Variants in CCDC178 observed in about 807,000 individuals in gnomAD.
The protein encoded by CCDC178 is coiled-coil domain containing 178.
A neutral mutation model predicts 117.4 loss-of-function variants in CCDC178; 126 were observed. That is an observed-to-expected ratio of 1.07 (90% CI 0.93 to 1.24). CCDC178 has a LOEUF of 1.24. Ranked by LOEUF, CCDC178 falls within the 50% of genes most tolerant of loss-of-function variation. The pLI, the probability that CCDC178 is intolerant of heterozygous loss-of-function variation, is 0.00. For synonymous variants in CCDC178, 283 were observed against 313.4 expected, an observed-to-expected ratio of 0.90 and a Z score of 1.02; for missense variants, 1,030 against 986.9, an observed-to-expected ratio of 1.04 and a Z score of -0.59.
intron 15 of CCDC178, among the ~76,000 whole-genome samples, chr18:33,241,282 A>G (rs965070851): frequency 5.3e-5 from 8 of 150,978 alleles, no homozygotes; most frequent in African/African-American, 2.0e-4. Context: ...CTAGGAACTA[A>G]ACAAGACAAG....
At chr18:33,376,694 C>T (rs1246896959) in intron 5 of CCDC178, among the ~76,000 whole-genome samples, 2 of 152,104 alleles carry the variant, frequency 1.3e-5, no homozygotes, top group South Asian at 2.1e-4. Context: ...TAAGTGAGAA[C>T]GTGAAATATT....
chr18:33,077,625 A>G (rs527528689), intron 21 of CCDC178, among the ~76,000 whole-genome samples: 1 of 152,218 alleles, frequency 6.6e-6, no homozygotes, highest in Non-Finnish European at 1.5e-5. Context: ...AGAAGTAAAA[A>G]TAACCATCAG....
Position 33,397,218 on chromosome 18 carries a change from G to GTT in CCDC178, c.59-11_59-10insAA, listed in dbSNP as rs749537012. 4 of 1,587,724 alleles carry GTT rather than the reference G, an allele frequency of 2.5e-6. No individual in the cohort carries two copies. The African/African-American group carries it at 5.4e-5, about 21-fold the overall frequency. Reference sequence around the variant, plus strand: ...TCCTGACATGTTAAACCTATAAAAGGTAAAATAAAACAAAATAAAATATCT... The same window carrying GTT: ...TCCTGACATGTTAAACCTATAAAAGGTTTAAAATAAAACAAAATAAAATATCT... On this transcript the variant is annotated splice_polypyrimidine_tract_variant and intron_variant, in intron 3 of 22. Transcript: ENST00000383096.
In CCDC178 at chr18:33,175,379, G is replaced by T. The variant is rs78340964; in HGVS notation, c.2238+36517C>A. Among the ~76,000 whole-genome samples, 634 of 150,828 alleles carry T rather than the reference G, an allele frequency of 4.2e-3. 3 individuals are homozygous for T. The highest frequency in any genetic ancestry group is 0.014 in the African/African-American group (588 of 41,042). ...AAAGTTGTTATTGCAGTTTTGTGGG[G>T]TTTTTTTTCTTTAGATGGGCTCTTG... is the stretch of plus-strand genomic sequence containing the variant. On this transcript the variant is annotated intron_variant, in intron 20 of 22. Coordinates refer to ENST00000383096, the MANE Select transcript of CCDC178 (RefSeq NM_001105528.4).
intron 3 of CCDC178, among the ~76,000 whole-genome samples, chr18:33,406,548 A>G (rs2144880145): frequency 6.6e-6 from 1 of 152,240 alleles, no homozygotes; most frequent in Admixed American, 6.5e-5. Flanking sequence ...AAAAGTAGGT[A>G]GATTAACAGA....
intron 11 of CCDC178, among the ~76,000 whole-genome samples, chr18:33,318,969 A>G (rs987627586): frequency 4.6e-5 from 7 of 152,148 alleles, no homozygotes; most frequent in African/African-American, 1.7e-4. Flanking sequence ...AAAGTTTTTC[A>G]TCAGGAAAAC....
intron 22 of CCDC178, among the ~76,000 whole-genome samples, chr18:32,938,508 C>T (rs1014580086): frequency 4.0e-5 from 6 of 151,724 alleles, no homozygotes; most frequent in East Asian, 1.9e-4. Context: ...ACTGGATGTT[C>T]GTATTTATTC....
In CCDC178 at chr18:33,148,135, T is replaced by C. The variant is rs1330522638; in HGVS notation, c.2239-55225A>G. ...CCACTGCACTCCAGCCTGGGCAACA[T>C]TGAGCACTGAGTGAGTGAGACTCCG... On this transcript the variant is annotated intron_variant, in intron 20 of 22. Coordinates refer to ENST00000383096, the MANE Select transcript of CCDC178 (RefSeq NM_001105528.4). 9.9e-5 allele frequency among the ~76,000 whole-genome samples: 15 copies of C among 152,228 alleles called. No homozygotes were observed. In the East Asian group the frequency reaches 1.9e-3, roughly 20 times the overall value.
chr18:33,058,860 T>C (rs1478207102), intron 21 of CCDC178, among the ~76,000 whole-genome samples: 1 of 152,208 alleles, frequency 6.6e-6, no homozygotes, highest in Non-Finnish European at 1.5e-5. Flanking sequence ...TTGTAATGGA[T>C]ATAGTAATAA....
intron 21 of CCDC178, among the ~76,000 whole-genome samples, chr18:32,975,687 G>T (rs2055015558): frequency 6.6e-6 from 1 of 152,058 alleles, no homozygotes; most frequent in African/African-American, 2.4e-5. Flanking sequence ...TTTTGGGGAT[G>T]TGGATAATTG....
intron 11 of CCDC178, 48 bp from the exon 12 acceptor site, chr18:33,293,360 A>G (rs750372548): frequency 1.7e-6 from 2 of 1,196,552 alleles, no homozygotes; most frequent in Non-Finnish European, 1.2e-6. Context: ...AAGAAAAAAT[A>G]TATTTTAAAT....
chr18:33,257,418 C>A (rs1167972622), intron 14 of CCDC178, among the ~76,000 whole-genome samples: 1 of 152,004 alleles, frequency 6.6e-6, no homozygotes, highest in African/African-American at 2.4e-5. Flanking sequence ...GATCCATGGC[C>A]CATGACCTAT....
intron 20 of CCDC178, among the ~76,000 whole-genome samples, chr18:33,183,099 G>A (rs1053543709): frequency 2.6e-5 from 4 of 151,816 alleles, no homozygotes; most frequent in Non-Finnish European, 4.4e-5. Context: ...TTATTTCACC[G>A]ATATATGCAT....
At chr18:33,224,029 A>G (rs958605940) in intron 17 of CCDC178, among the ~76,000 whole-genome samples, 4 of 152,214 alleles carry the variant, frequency 2.6e-5, no homozygotes, top group African/African-American at 7.2e-5. Flanking sequence ...TTGAAGCTCA[A>G]AATAAACTTT....
chr18:33,168,546 CAAAT>C (rs1181764689), intron 20 of CCDC178, among the ~76,000 whole-genome samples: 1 of 151,992 alleles, frequency 6.6e-6, no homozygotes, highest in Non-Finnish European at 1.5e-5. Context: ...TATACAAAAT[CAAAT>C]AAAACTGTTA....
chr18:32,943,073 G>A (rs1408645907), intron 22 of CCDC178, among the ~76,000 whole-genome samples: 1 of 152,176 alleles, frequency 6.6e-6, no homozygotes, highest in Non-Finnish European at 1.5e-5. Flanking sequence ...GAAGTTAGGG[G>A]ATATTGGAAG....
chr18:33,424,843 C>A (rs1215232405), intron 2 of CCDC178, among the ~76,000 whole-genome samples: 3 of 152,184 alleles, frequency 2.0e-5, no homozygotes, highest in Non-Finnish European at 4.4e-5. Context: ...CTGAATTAAA[C>A]CGCACTTCAC....
intron 21 of CCDC178, among the ~76,000 whole-genome samples, chr18:33,011,575 T>C (rs2055865863): frequency 6.6e-6 from 1 of 151,480 alleles, no homozygotes; most frequent in Non-Finnish European, 1.5e-5. Context: ...GCCTCTATGG[T>C]TCCACATCAT....
chr18:33,423,185 A>T (rs1488323443), intron 2 of CCDC178, among the ~76,000 whole-genome samples: 1 of 152,158 alleles, frequency 6.6e-6, no homozygotes, highest in East Asian at 1.9e-4. Flanking sequence ...AGTTAATAAT[A>T]CAATTTAAAT....
Sources: allele counts gnomAD v4.1 joint callset (sites outside exome capture counted in the v4.1 genomes callset), GRCh38; gene constraint gnomAD v4.1.1; transcripts MANE v1.5; gene names NCBI Gene and HGNC (gene_info 2026-07-23, HGNC 2026-07-21).